GTF3C2: variants seen among roughly 807,000 people sequenced by gnomAD.
GTF3C2 encodes the protein general transcription factor IIIC subunit 2.
In GTF3C2, 17 loss-of-function variants were observed where a neutral mutation model predicts 117.4. The observed-to-expected ratio is 0.14, with a 90% CI of 0.10 to 0.22. GTF3C2 has a LOEUF of 0.22. Among genes scored for constraint, GTF3C2 ranks in the 10% least tolerant of loss-of-function variants. The probability of loss-of-function intolerance (pLI) is 1.00; values close to 1 mark genes in which losing one functional copy is unlikely to be tolerated. For missense variants in GTF3C2, 888 were observed against 1,143.6 expected (o/e 0.78, Z 3.22); for synonymous variants, 437 against 427.0 (o/e 1.02, Z -0.29).
intron 1 of GTF3C2, among the ~76,000 whole-genome samples, chr2:27,354,648 G>C (rs574792880): frequency 6.6e-6 from 1 of 151,936 alleles, no homozygotes; most frequent in Non-Finnish European, 1.5e-5. Context: ...CCATCTACTC[G>C]GGAGGCTGAG....
intron 1 of GTF3C2, chr2:27,356,380 C>T (rs1299427301): frequency 2.0e-5 from 6 of 292,872 alleles, no homozygotes; most frequent in Non-Finnish European, 3.5e-5. Context: ...TCTCCCCTAG[C>T]CTGTGCGGGA....
chr2:27,330,235 A>C (rs1181193414), intron 12 of GTF3C2, among the ~76,000 whole-genome samples: 2 of 151,544 alleles, frequency 1.3e-5, no homozygotes, highest in African/African-American at 2.4e-5. Context: ...ATGCGGGTGG[A>C]TCACTTGAGG....
At chr2:27,327,256 TCTCTAC>T (rs750705301) in exon 18 of GTF3C2, 11 of 1,605,650 alleles carry the variant, frequency 6.9e-6, no homozygotes, top group Non-Finnish European at 9.4e-6. Flanking sequence ...CAGCATTGGT[TCTCTAC>T]GGAGCAGATC....
Position 27,337,227 on chromosome 2 carries a change from G to T in GTF3C2, c.1127+17C>A, listed in dbSNP as rs537847903. The T allele has an allele frequency of 2.8e-6, 4 of 1,434,658 alleles. No homozygotes were observed. The highest frequency in any genetic ancestry group is 3.9e-6 in the Non-Finnish European group (4 of 1,026,532). The allele number at this position is 1,434,658 out of a possible 1,614,324, so 88.9% of individuals were successfully genotyped here. A position where few individuals can be genotyped will look rare whatever the true frequency, so the allele number is the denominator to read the frequency against. On this transcript the variant is annotated intron_variant, in intron 7 of 18. Transcript: ENST00000264720. The stretch of plus-strand genomic sequence containing the variant: ...GGCTCCTAGAATCAGAAAAAAGGGC[G>T]GATGTGCAATCTTCACCTGTTTATT...
At chr2:27,341,826 T>A (rs765980397) in intron 4 of GTF3C2, 122 bp downstream of exon 4, 3 of 817,354 alleles carry the variant, frequency 3.7e-6, no homozygotes, top group East Asian at 2.6e-5. Flanking sequence ...GGACCCTTTT[T>A]TCTTTAACCT....
chr2:27,354,972 A>C (rs1303920748), intron 1 of GTF3C2, among the ~76,000 whole-genome samples: 1 of 152,220 alleles, frequency 6.6e-6, no homozygotes, highest in Non-Finnish European at 1.5e-5. Flanking sequence ...AATCATCTGA[A>C]CATGGAATTA....
At chr2:27,338,450 GCGCACGCGCGCACA>G (rs1558617622) in intron 4 of GTF3C2, among the ~76,000 whole-genome samples, 48 of 57,026 alleles carry the variant, frequency 8.4e-4, no homozygotes, top group Admixed American at 3.3e-3. Context: ...AGGCGCGCAC[GCGCACGCGCGCACA>G]CACACACACA....
intron 3 of GTF3C2, 63 bp downstream of exon 3, chr2:27,342,762 AT>A (rs999548976): frequency 1.9e-5 from 24 of 1,237,280 alleles, no homozygotes; most frequent in Non-Finnish European, 1.9e-5. Context: ...TCTCTCCAAC[AT>A]CTGCCCCACC....
intron 1 of GTF3C2, among the ~76,000 whole-genome samples, chr2:27,348,391 G>A (rs2148329882): frequency 6.7e-6 from 1 of 149,096 alleles, no homozygotes; most frequent in South Asian, 2.2e-4. Flanking sequence ...AGTGAGCAGA[G>A]ATCGCGTTCC....
At position 27,337,207 on chromosome 2, in the gene GTF3C2, C is replaced by G; in HGVS notation, c.1127+37G>C. On this transcript the variant is annotated intron_variant, in intron 7 of 18. Transcript: ENST00000264720. Reference sequence around the variant, plus strand: ...CATTCATTTTTCTTGTTTCTGGCTCCTAGAATCAGAAAAAAGGGCGGATGT... The same window carrying G: ...CATTCATTTTTCTTGTTTCTGGCTCGTAGAATCAGAAAAAAGGGCGGATGT... 4 of 1,247,814 alleles carry G rather than the reference C, an allele frequency of 3.2e-6. No homozygotes were observed. In the South Asian group the frequency reaches 5.0e-5, roughly 16 times the overall value. The allele number at this position is 1,247,814 out of a possible 1,614,324, so 77.3% of individuals were successfully genotyped here.
intron 1 of GTF3C2, among the ~76,000 whole-genome samples, chr2:27,352,758 C>A (rs1475898581): frequency 6.6e-6 from 1 of 152,082 alleles, no homozygotes; most frequent in Admixed American, 6.5e-5. Context: ...CATATTGTCC[C>A]CCAACTCATC....
chr2:27,343,783 C>T (rs1438553024), intron 1 of GTF3C2, among the ~76,000 whole-genome samples: 2 of 152,114 alleles, frequency 1.3e-5, no homozygotes, highest in East Asian at 1.9e-4. Flanking sequence ...CGGTGGCTCA[C>T]ACCTGTAATC....
chr2:27,351,976 A>T (rs988937183), intron 1 of GTF3C2, among the ~76,000 whole-genome samples: 1 of 151,966 alleles, frequency 6.6e-6, no homozygotes, highest in Non-Finnish European at 1.5e-5. Context: ...CATCACCCAA[A>T]CCTCTTAACC....
At position 27,328,457 on chromosome 2, in the gene GTF3C2, C is replaced by T. The variant is rs375436921; in HGVS notation, c.2256+11G>A. On this transcript the variant is annotated intron_variant, in intron 16 of 18. Coordinates refer to ENST00000264720, the Ensembl canonical transcript of GTF3C2. Reference sequence around the variant, plus strand: ...GATCCAACAGCTGCTGTTAGATGTTCGTATACGTACAAATCTTCGCTCTAC... The same window carrying T: ...GATCCAACAGCTGCTGTTAGATGTTTGTATACGTACAAATCTTCGCTCTAC... 2.6e-4 allele frequency: 412 copies of T among 1,613,658 alleles called. No homozygotes were observed. Among genetic ancestry groups the T allele is most frequent in the Non-Finnish European group, 3.2e-4 (377 of 1,179,742 alleles).
exon 9 of GTF3C2, chr2:27,335,968 G>A (rs1322262874): frequency 1.2e-5 from 19 of 1,613,980 alleles, no homozygotes; most frequent in Non-Finnish European, 1.5e-5. Context: ...AGAACTTGAG[G>A]TCCCAGATGC....
At chr2:27,328,382 C>A in intron 16 of GTF3C2, 86 bp downstream of exon 16, 1 of 1,407,890 alleles carries the variant, frequency 7.1e-7, no homozygotes. Flanking sequence ...GGCCGGGAGA[C>A]CTGACACTAG....
chr2:27,330,232 TG>T (rs886307592), intron 12 of GTF3C2, among the ~76,000 whole-genome samples: 2 of 141,418 alleles, frequency 1.4e-5, no homozygotes, highest in African/African-American at 5.3e-5. Context: ...CCAATGCGGG[TG>T]GATCACTTGA....
chr2:27,342,218 A>C, exon 4 of GTF3C2: 1 of 1,610,574 alleles, frequency 6.2e-7, no homozygotes, highest in Non-Finnish European at 8.5e-7. Flanking sequence ...CCAGTTCCTG[A>C]AGATACAGAA....
At chr2:27,326,876 G>A (rs1161944871) in exon 19 of GTF3C2, 1 of 1,612,360 alleles carries the variant, frequency 6.2e-7, no homozygotes, top group Admixed American at 1.7e-5. Flanking sequence ...AGGAGTCCAG[G>A]TTTGGGCTGA....
Sources: gnomAD v4.1 joint callset for allele counts (sites outside exome capture counted in the v4.1 genomes callset) on GRCh38, gnomAD v4.1.1 for gene constraint, MANE v1.5 for transcripts, NCBI Gene and HGNC (gene_info 2026-07-23, HGNC 2026-07-21) for gene names.